AHCYL2: variants seen among roughly 807,000 people sequenced by gnomAD.
AHCYL2 encodes S-adenosylhomocysteine hydrolase-like protein 2.
A neutral mutation model predicts 81.4 loss-of-function variants in AHCYL2; 28 were observed. The observed-to-expected ratio is 0.34, with a 90% CI of 0.25 to 0.47. The LOEUF (loss-of-function observed/expected upper bound fraction) is 0.47, where lower values mean the gene tolerates loss of function less well. AHCYL2 is among the 20% of genes least tolerant of loss of function. The pLI is 1.00. For missense variants in AHCYL2, 551 were observed against 785.1 expected (o/e 0.70, Z 3.56); for synonymous variants, 272 against 290.2 (o/e 0.94, Z 0.64).
In AHCYL2 at chr7:129,301,322, TTTG is replaced by T. The variant is rs1268747723; in HGVS notation, c.363+75887_363+75889del. On this transcript the variant is annotated intron_variant, in intron 1 of 16. Transcript: ENST00000325006. Reference sequence around the variant, plus strand: ...CCCATTCTGTGGGTTGTGTCTTCACTTTGTTGGTTGTTTCCTTTGCTGTGTAGA... The same window carrying T: ...CCCATTCTGTGGGTTGTGTCTTCACTTTGGTTGTTTCCTTTGCTGTGTAGA... Among the ~76,000 whole-genome samples, 56 of 152,332 alleles carry T rather than the reference TTTG, an allele frequency of 3.7e-4. 1 individual carries two copies. Among genetic ancestry groups the T allele is most frequent in the African/African-American group, 1.2e-3 (51 of 41,574 alleles).
intron 10 of AHCYL2, among the ~76,000 whole-genome samples, chr7:129,407,794 C>A (rs1314438476): frequency 6.6e-6 from 1 of 152,190 alleles, no homozygotes; most frequent in East Asian, 1.9e-4. Context: ...AAAGTAAGTG[C>A]TGTCATGGAG....
chr7:129,243,738 C>A lies in AHCYL2; in HGVS notation c.363+18299C>A, dbSNP rs557412498. ...CTGGGACTACAGGCGCCCACCACCACGCCCAGCTAATTTTTGTATTTTTAG... is the reference window on the plus strand; with the variant it reads ...CTGGGACTACAGGCGCCCACCACCAAGCCCAGCTAATTTTTGTATTTTTAG... On this transcript the variant is annotated intron_variant, in intron 1 of 16. Transcript: ENST00000325006. Among the ~76,000 whole-genome samples, 7 of 151,912 alleles carry A rather than the reference C, an allele frequency of 4.6e-5. No homozygotes were observed. The East Asian group carries it at 1.4e-3, about 30-fold the overall frequency.
intron 8 of AHCYL2, chr7:129,405,417 C>A: frequency 2.6e-6 from 1 of 382,474 alleles, no homozygotes; most frequent in Non-Finnish European, 4.6e-6. Context: ...ATTATATTTT[C>A]AAAATATTAT....
At chr7:129,417,539 C>T (rs1796916575) in intron 12 of AHCYL2, among the ~76,000 whole-genome samples, 1 of 152,196 alleles carries the variant, frequency 6.6e-6, no homozygotes, top group Non-Finnish European at 1.5e-5. Flanking sequence ...CAGGTGGCCC[C>T]CATATCTACC....
chr7:129,372,580 G>T (rs1794461596), intron 1 of AHCYL2, among the ~76,000 whole-genome samples: 1 of 152,126 alleles, frequency 6.6e-6, no homozygotes, highest in African/African-American at 2.4e-5. Flanking sequence ...GGCCAAGGTG[G>T]ATGGATCACC....
chr7:129,373,112 T>A (rs74917434), intron 1 of AHCYL2, among the ~76,000 whole-genome samples: 3 of 152,264 alleles, frequency 2.0e-5, no homozygotes, highest in Non-Finnish European at 2.9e-5. Flanking sequence ...TTTTTTTTTT[T>A]AAATTACAAA....
chr7:129,422,266 A>C (rs2078290161), intron 12 of AHCYL2, among the ~76,000 whole-genome samples: 1 of 152,232 alleles, frequency 6.6e-6, no homozygotes, highest in African/African-American at 2.4e-5. Flanking sequence ...TTCTGTAACT[A>C]GGGTGAACCA....
At chr7:129,352,211 TC>T (rs1413878708) in intron 1 of AHCYL2, among the ~76,000 whole-genome samples, 1 of 152,154 alleles carries the variant, frequency 6.6e-6, no homozygotes, top group Non-Finnish European at 1.5e-5. Flanking sequence ...CCATGGTTAT[TC>T]AGGTTTGGGC....
intron 1 of AHCYL2, among the ~76,000 whole-genome samples, chr7:129,248,252 T>C (rs1354642116): frequency 6.6e-6 from 1 of 152,234 alleles, no homozygotes; most frequent in African/African-American, 2.4e-5. Context: ...AGCTTTATTG[T>C]AAGTACAGTT....
intron 4 of AHCYL2, 27 bp downstream of exon 4, chr7:129,389,761 A>G: frequency 6.3e-7 from 1 of 1,578,074 alleles, no homozygotes; most frequent in Non-Finnish European, 8.6e-7. Context: ...TCTCCTTTTA[A>G]TTACAATAGT....
chr7:129,389,049 A>C lies in AHCYL2; in HGVS notation c.476-7A>C, dbSNP rs780517347. ...TTTTCCGAGTGTTTTTTATTCTGTCATTCCAGCGGCTTCATATACAGATAG... is the reference window on the plus strand; with the variant it reads ...TTTTCCGAGTGTTTTTTATTCTGTCCTTCCAGCGGCTTCATATACAGATAG... On this transcript the variant is annotated splice_polypyrimidine_tract_variant and splice_region_variant and intron_variant, in intron 2 of 16. Coordinates refer to ENST00000325006, the MANE Select transcript of AHCYL2 (RefSeq NM_015328.4). 10 of 1,596,536 alleles carry C rather than the reference A, an allele frequency of 6.3e-6. No homozygotes were observed. The Admixed American group carries it at 1.7e-4, about 27-fold the overall frequency.
chr7:129,226,397 G>A (rs980900154), intron 1 of AHCYL2, among the ~76,000 whole-genome samples: 1 of 152,166 alleles, frequency 6.6e-6, no homozygotes, highest in Non-Finnish European at 1.5e-5. Flanking sequence ...AGAAAAACAG[G>A]GCAAGTATTG....
intron 1 of AHCYL2, among the ~76,000 whole-genome samples, chr7:129,243,191 T>A (rs900982649): frequency 2.6e-5 from 4 of 151,430 alleles, no homozygotes; most frequent in African/African-American, 9.7e-5. Context: ...CAGCTAATTT[T>A]TTTTTGTATT....
chr7:129,225,587 AG>A, intron 1 of AHCYL2, 148 bp downstream of exon 1: 1 of 1,344,394 alleles, frequency 7.4e-7, no homozygotes. Flanking sequence ...ACTCTCTCAG[AG>A]ATGCCCCCCA....
intron 1 of AHCYL2, among the ~76,000 whole-genome samples, chr7:129,263,592 A>G (rs940359893): frequency 2.6e-5 from 4 of 152,210 alleles, no homozygotes; most frequent in Non-Finnish European, 5.9e-5. Context: ...GAGAAACGAG[A>G]GACAAGAAAA....
At chr7:129,425,918 T>C (rs1298051809) in intron 15 of AHCYL2, among the ~76,000 whole-genome samples, 1 of 152,210 alleles carries the variant, frequency 6.6e-6, no homozygotes, top group Non-Finnish European at 1.5e-5. Flanking sequence ...TGACATAAGA[T>C]TATGAATAAG....
At chr7:129,357,528 A>G (rs1485791011) in intron 1 of AHCYL2, among the ~76,000 whole-genome samples, 1 of 152,242 alleles carries the variant, frequency 6.6e-6, no homozygotes, top group East Asian at 1.9e-4. Flanking sequence ...ATCAGAATGT[A>G]TAAATAACTC....
chr7:129,341,148 T>C (rs184399569), intron 1 of AHCYL2, among the ~76,000 whole-genome samples: 47 of 152,354 alleles, frequency 3.1e-4, no homozygotes, highest in Admixed American at 1.8e-3. Flanking sequence ...AGCTCAGTGA[T>C]GAGTAACTCA....
At chr7:129,333,246 G>T (rs1798483086) in intron 1 of AHCYL2, among the ~76,000 whole-genome samples, 1 of 148,328 alleles carries the variant, frequency 6.7e-6, no homozygotes, top group Admixed American at 6.8e-5. Context: ...GAGTCCAGAG[G>T]ATTGCTTGAG....
Sources: allele counts gnomAD v4.1 joint callset (sites outside exome capture counted in the v4.1 genomes callset), GRCh38; gene constraint gnomAD v4.1.1; transcripts MANE v1.5; gene names NCBI Gene and HGNC (gene_info 2026-07-23, HGNC 2026-07-21).